KDM4C: variants seen among roughly 807,000 people sequenced by gnomAD.
KDM4C encodes lysine demethylase 4C.
KDM4C carries 81 observed loss-of-function variants against 129.3 expected under a neutral mutation model. That is an observed-to-expected ratio of 0.63 (90% confidence interval 0.52 to 0.75). The LOEUF is 0.75. Among genes scored for constraint, KDM4C ranks in the 30% least tolerant of loss-of-function variants. KDM4C has a pLI of 0.00. For synonymous variants in KDM4C, 573 were observed against 456.1 expected, an observed-to-expected ratio of 1.26 and a Z score of -3.26; for missense variants, 1,457 against 1,304.0, an observed-to-expected ratio of 1.12 and a Z score of -1.81.
chr9:7,088,819 C>A (rs1217135465), intron 17 of KDM4C, among the ~76,000 whole-genome samples: 1 of 151,924 alleles, frequency 6.6e-6, no homozygotes, highest in East Asian at 1.9e-4. Flanking sequence ...CAGTCCTGAG[C>A]CAGGAGTACT....
intron 8 of KDM4C, among the ~76,000 whole-genome samples, chr9:6,940,044 TCC>T: frequency 7.6e-6 from 1 of 132,206 alleles, no homozygotes; most frequent in Admixed American, 7.4e-5. Context: ...TTTCCTTCCT[TCC>T]CTCCTTCCCT....
At chr9:6,859,614 G>T in intron 5 of KDM4C, among the ~76,000 whole-genome samples, 1 of 149,346 alleles carries the variant, frequency 6.7e-6, no homozygotes, top group Non-Finnish European at 1.5e-5. Flanking sequence ...CTGTAATCCA[G>T]CACTTTGGGA....
intron 8 of KDM4C, among the ~76,000 whole-genome samples, chr9:6,957,871 A>G (rs574350391): frequency 6.6e-6 from 1 of 152,322 alleles, no homozygotes; most frequent in South Asian, 2.1e-4. Context: ...TTCATGGACA[A>G]TAAAACACAA....
intron 8 of KDM4C, among the ~76,000 whole-genome samples, chr9:6,905,929 G>C (rs1765176676): frequency 6.6e-6 from 1 of 152,076 alleles, no homozygotes. Context: ...TGTAAACGAA[G>C]AAAATGATTT....
chr9:7,087,899 T>C (rs754901790), intron 17 of KDM4C, among the ~76,000 whole-genome samples: 1 of 152,202 alleles, frequency 6.6e-6, no homozygotes, highest in Non-Finnish European at 1.5e-5. Flanking sequence ...GGGCACGTAG[T>C]TTTTCAAAAT....
intron 1 of KDM4C, among the ~76,000 whole-genome samples, chr9:6,770,936 C>T (rs564517041): frequency 1.3e-4 from 19 of 151,754 alleles, no homozygotes; most frequent in African/African-American, 4.1e-4. Flanking sequence ...CCACCACTCC[C>T]AGCTAATTTT....
rs995099110 is a variant in KDM4C, at chr9:7,058,601, A to G, written c.2424+9401A>G. Among the ~76,000 whole-genome samples the G allele has an allele frequency of 3.9e-5, 6 of 152,202 alleles. No individual in the cohort carries two copies. The East Asian group carries it at 5.8e-4, about 15-fold the overall frequency. On this transcript the variant is annotated intron_variant, in intron 17 of 21. Coordinates refer to ENST00000381309, the MANE Select transcript of KDM4C (RefSeq NM_015061.6). ...AACCAAGGCATCAAATTGCACTAGT[A>G]ACCATTGTATTCTCCAATGCCAGGC...
chr9:6,902,498 A>G (rs1817578587), intron 8 of KDM4C, among the ~76,000 whole-genome samples: 1 of 152,142 alleles, frequency 6.6e-6, no homozygotes, highest in Non-Finnish European at 1.5e-5. Context: ...GGCAAATGAC[A>G]TGTTTCTGTG....
intron 17 of KDM4C, among the ~76,000 whole-genome samples, chr9:7,078,523 C>T (rs1834176382): frequency 1.3e-5 from 2 of 152,004 alleles, no homozygotes; most frequent in African/African-American, 2.4e-5. Context: ...TTCTCTTCAA[C>T]ATGGAAGGTT....
At chr9:6,866,096 G>C (rs1841920232) in intron 5 of KDM4C, among the ~76,000 whole-genome samples, 1 of 151,640 alleles carries the variant, frequency 6.6e-6, no homozygotes, top group Non-Finnish European at 1.5e-5. Context: ...TGTTGAACAG[G>C]CTGGTCTCGG....
chr9:6,975,966 A>T (rs1422492516), intron 8 of KDM4C, among the ~76,000 whole-genome samples: 11 of 152,226 alleles, frequency 7.2e-5, no homozygotes, highest in Non-Finnish European at 1.2e-4. Flanking sequence ...TCAACCAGGG[A>T]GGGAGAGGTT....
At chr9:6,856,161 A>AT (rs1279786092) in intron 5 of KDM4C, among the ~76,000 whole-genome samples, 1 of 144,668 alleles carries the variant, frequency 6.9e-6, no homozygotes, top group Non-Finnish European at 1.5e-5. Flanking sequence ...GGAACTCTTT[A>AT]TTTGAAGATC....
At chr9:6,942,220 C>T (rs1826075728) in intron 8 of KDM4C, among the ~76,000 whole-genome samples, 1 of 149,550 alleles carries the variant, frequency 6.7e-6, no homozygotes, top group Non-Finnish European at 1.5e-5. Flanking sequence ...CTCCCTTTTC[C>T]CTTTTATTTT....
chr9:6,986,734 C>G, intron 11 of KDM4C, 68 bp downstream of exon 11: 3 of 1,145,188 alleles, frequency 2.6e-6, no homozygotes, highest in South Asian at 3.2e-5. Context: ...AAACAACATG[C>G]TGTGCACTGA....
chr9:7,060,113 A>G (rs1018523274), intron 17 of KDM4C, among the ~76,000 whole-genome samples: 5 of 151,732 alleles, frequency 3.3e-5, no homozygotes, highest in African/African-American at 9.7e-5. Flanking sequence ...ATTATTTATG[A>G]TATCCTGTAA....
At chr9:6,800,204 TAA>T (rs1349686362) in intron 2 of KDM4C, among the ~76,000 whole-genome samples, 1 of 152,100 alleles carries the variant, frequency 6.6e-6, no homozygotes, top group Admixed American at 6.6e-5. Context: ...CTGTCTCTAC[TAA>T]AAATACAAAA....
intron 4 of KDM4C, among the ~76,000 whole-genome samples, chr9:6,826,923 T>G (rs947282434): frequency 6.6e-6 from 1 of 152,090 alleles, no homozygotes; most frequent in African/African-American, 2.4e-5. Context: ...GCAGGATGGT[T>G]TTCACAGGTA....
intron 17 of KDM4C, among the ~76,000 whole-genome samples, chr9:7,062,019 G>C (rs1393537228): frequency 6.6e-6 from 1 of 152,166 alleles, no homozygotes; most frequent in East Asian, 1.9e-4. Flanking sequence ...CCAGGCTGGA[G>C]TGCAGTGTTG....
chr9:7,070,415 C>T (rs898175312), intron 17 of KDM4C, among the ~76,000 whole-genome samples: 3 of 152,122 alleles, frequency 2.0e-5, no homozygotes, highest in Non-Finnish European at 4.4e-5. Context: ...CCCTGATACT[C>T]AACTCTTGCA....
Sources: allele counts gnomAD v4.1 joint callset (sites outside exome capture counted in the v4.1 genomes callset), GRCh38; gene constraint gnomAD v4.1.1; transcripts MANE v1.5; gene names NCBI Gene and HGNC (gene_info 2026-07-23, HGNC 2026-07-21).